CLSTN2: variants seen among roughly 807,000 people sequenced by gnomAD.
CLSTN2 encodes calsyntenin-2.
In CLSTN2, 48 loss-of-function variants were observed where a neutral mutation model predicts 101.2. The ratio of observed to expected loss-of-function variants is 0.47; its 90% confidence interval spans 0.38 to 0.60. The LOEUF (loss-of-function observed/expected upper bound fraction) is 0.60. Among genes scored for constraint, CLSTN2 ranks in the 20% least tolerant of loss-of-function variants. CLSTN2 has a pLI of 0.00. For synonymous variants in CLSTN2, 481 were observed against 463.6 expected (o/e 1.04, Z -0.48); for missense variants, 1,160 against 1,238.2 (o/e 0.94, Z 0.95).
chr3:140,444,505 T>A (rs1286273839), intron 5 of CLSTN2, among the ~76,000 whole-genome samples: 1 of 152,104 alleles, frequency 6.6e-6, no homozygotes, highest in African/African-American at 2.4e-5. Flanking sequence ...TTTGTGCAAT[T>A]AAGATACACT....
intron 1 of CLSTN2, among the ~76,000 whole-genome samples, chr3:140,068,723 TC>T (rs1022656818): frequency 6.6e-6 from 1 of 152,222 alleles, no homozygotes; most frequent in African/African-American, 2.4e-5. Flanking sequence ...GGAGGCCAAT[TC>T]CTAATAAGAA....
chr3:140,036,130 A>G (rs1427709239), intron 1 of CLSTN2, among the ~76,000 whole-genome samples: 2 of 152,208 alleles, frequency 1.3e-5, no homozygotes, highest in Non-Finnish European at 2.9e-5. Context: ...CAGGGGCAGC[A>G]TTCATTTGCT....
intron 2 of CLSTN2, among the ~76,000 whole-genome samples, chr3:140,364,857 T>G (rs1417714115): frequency 6.6e-6 from 1 of 152,244 alleles, no homozygotes; most frequent in African/African-American, 2.4e-5. Flanking sequence ...CAGTGGGCAT[T>G]GGGCACACAT....
chr3:140,280,203 CATA>C, intron 2 of CLSTN2, among the ~76,000 whole-genome samples: 1 of 152,286 alleles, frequency 6.6e-6, no homozygotes, highest in Middle Eastern at 3.4e-3. Context: ...TGGGATCTTA[CATA>C]ATAATATGTG....
At chr3:140,522,597 G>GT (rs1221462405) in intron 8 of CLSTN2, among the ~76,000 whole-genome samples, 2 of 152,078 alleles carry the variant, frequency 1.3e-5, no homozygotes, top group African/African-American at 4.8e-5. Flanking sequence ...CTAAAATAAG[G>GT]TAACACACTC....
chr3:140,002,249 A>G (rs1193155815), intron 1 of CLSTN2, among the ~76,000 whole-genome samples: 2 of 152,146 alleles, frequency 1.3e-5, no homozygotes, highest in Admixed American at 6.6e-5. Context: ...TTTTGGATAT[A>G]AGTTATTTTA....
intron 2 of CLSTN2, among the ~76,000 whole-genome samples, chr3:140,274,152 G>C (rs61344723): frequency 0.079 from 11,995 of 152,166 alleles, 1,207 homozygotes; most frequent in African/African-American, 0.24. Context: ...GTGCCTTTTG[G>C]CTCCTCCCAT....
chr3:140,432,996 T>C (rs890384120), intron 5 of CLSTN2, among the ~76,000 whole-genome samples: 1 of 152,222 alleles, frequency 6.6e-6, no homozygotes, highest in Non-Finnish European at 1.5e-5. Flanking sequence ...CTGAGGTTAA[T>C]ACACTTGCCA....
At chr3:140,427,674 C>T (rs533701919) in intron 5 of CLSTN2, among the ~76,000 whole-genome samples, 5 of 152,224 alleles carry the variant, frequency 3.3e-5, no homozygotes, top group South Asian at 2.1e-4. Context: ...ATCCTCTAAA[C>T]GGGCTGCTAG....
chr3:140,440,970 C>T (rs1465145285), intron 5 of CLSTN2, among the ~76,000 whole-genome samples: 2 of 152,176 alleles, frequency 1.3e-5, no homozygotes, highest in East Asian at 1.9e-4. Context: ...CAAGATGGGG[C>T]GCTTCTGAGC....
chr3:140,405,634 A>T (rs2088294409), intron 4 of CLSTN2, among the ~76,000 whole-genome samples: 1 of 152,208 alleles, frequency 6.6e-6, no homozygotes, highest in African/African-American at 2.4e-5. Context: ...CCCAGACTGA[A>T]CAAGACTGGA....
chr3:140,421,331 G>T, intron 5 of CLSTN2, 57 bp downstream of exon 5: 1 of 1,587,062 alleles, frequency 6.3e-7, no homozygotes, highest in South Asian at 1.1e-5. Flanking sequence ...TATAGAAGGT[G>T]GTGTACTTGT....
At chr3:140,234,699 A>T (rs995460131) in intron 2 of CLSTN2, among the ~76,000 whole-genome samples, 4 of 152,102 alleles carry the variant, frequency 2.6e-5, no homozygotes, top group Non-Finnish European at 5.9e-5. Context: ...GTATATCCCA[A>T]TGCCTACGTG....
chr3:140,331,618 G>A (rs1327759547), intron 2 of CLSTN2, among the ~76,000 whole-genome samples: 1 of 152,182 alleles, frequency 6.6e-6, no homozygotes, highest in African/African-American at 2.4e-5. Flanking sequence ...TCTTTTTCCA[G>A]TTCACACAAA....
intron 2 of CLSTN2, among the ~76,000 whole-genome samples, chr3:140,223,400 G>A (rs2107854274): frequency 6.6e-6 from 1 of 152,304 alleles, no homozygotes; most frequent in Non-Finnish European, 1.5e-5. Flanking sequence ...CCCAGCACCT[G>A]GACCAGCCCC....
At chr3:140,147,983 T>A (rs1490232850) in intron 1 of CLSTN2, among the ~76,000 whole-genome samples, 1 of 152,204 alleles carries the variant, frequency 6.6e-6, no homozygotes, top group Non-Finnish European at 1.5e-5. Flanking sequence ...CCAGGGGGGA[T>A]GCGGATGTAG....
intron 6 of CLSTN2, chr3:140,452,369 C>T (rs1457691673): frequency 2.0e-5 from 3 of 152,448 alleles, no homozygotes; most frequent in East Asian, 3.8e-4. Context: ...GATGGTCTCT[C>T]TCCCCTTCAC....
At chr3:140,461,729 C>T (rs1933567319) in intron 7 of CLSTN2, among the ~76,000 whole-genome samples, 2 of 152,198 alleles carry the variant, frequency 1.3e-5, no homozygotes, top group Admixed American at 1.3e-4. Context: ...AATGGGAAGC[C>T]ATGGCTGAAC....
intron 1 of CLSTN2, among the ~76,000 whole-genome samples, chr3:140,036,683 C>T (rs1271597423): frequency 1.3e-5 from 2 of 151,812 alleles, no homozygotes; most frequent in East Asian, 3.9e-4. Context: ...AATGTCCCAC[C>T]CATCCCTGTT....
Sources: gnomAD v4.1 joint callset for allele counts (sites outside exome capture counted in the v4.1 genomes callset) on GRCh38, gnomAD v4.1.1 for gene constraint, MANE v1.5 for transcripts, NCBI Gene and HGNC (gene_info 2026-07-23, HGNC 2026-07-21) for gene names.